The following ATP8A1 variants were observed in gnomAD, a reference collection of about 807,000 sequenced individuals.
The protein encoded by ATP8A1 is phospholipid-transporting ATPase IA.
ATP8A1 carries 90 observed loss-of-function variants against 177.7 expected under a neutral mutation model. That is an observed-to-expected ratio of 0.51 (90% CI 0.43 to 0.60). The LOEUF (loss-of-function observed/expected upper bound fraction) is 0.60. Ranked by LOEUF, ATP8A1 falls within the 20% of genes least tolerant of loss-of-function variation. The pLI, the probability that ATP8A1 is intolerant of heterozygous loss-of-function variation, is 0.00. For missense variants in ATP8A1, 1,072 were observed against 1,392.8 expected (o/e 0.77, Z 3.67); for synonymous variants, 493 against 485.9 (o/e 1.01, Z -0.19).
At chr4:42,413,435 A>G (rs1275885148) in intron 36 of ATP8A1, among the ~76,000 whole-genome samples, 1 of 152,180 alleles carries the variant, frequency 6.6e-6, no homozygotes, top group Non-Finnish European at 1.5e-5. Flanking sequence ...GAATAATGTA[A>G]TTGATTCAAC....
chr4:42,419,603 C>T (rs544565077), intron 35 of ATP8A1, among the ~76,000 whole-genome samples: 1 of 152,280 alleles, frequency 6.6e-6, no homozygotes, highest in African/African-American at 2.4e-5. Flanking sequence ...AATGCAAAGA[C>T]TGGAAGATAT....
chr4:42,655,398 T>C (rs1303358609), intron 1 of ATP8A1, among the ~76,000 whole-genome samples: 1 of 152,216 alleles, frequency 6.6e-6, no homozygotes, highest in African/African-American at 2.4e-5. Flanking sequence ...AGACTTTTTC[T>C]CTTCCCCTTA....
intron 1 of ATP8A1, among the ~76,000 whole-genome samples, chr4:42,636,119 TACACACACAC>T (rs544619447): frequency 8.7e-4 from 69 of 79,088 alleles, no homozygotes; most frequent in African/African-American, 3.3e-3. Context: ...ATGGGCTTAA[TACACACACAC>T]ACACACACAC....
intron 24 of ATP8A1, among the ~76,000 whole-genome samples, chr4:42,501,124 C>T (rs1177928645): frequency 6.6e-6 from 1 of 152,052 alleles, no homozygotes. Flanking sequence ...GAAAAATGCT[C>T]AATATGTATC....
At chr4:42,516,698 T>C (rs71610023) in intron 22 of ATP8A1, among the ~76,000 whole-genome samples, 15,516 of 152,284 alleles carry the variant, frequency 0.1, 993 homozygotes, top group Middle Eastern at 0.17. Flanking sequence ...GGTTTAATTA[T>C]AAAATAAGGA....
intron 1 of ATP8A1, among the ~76,000 whole-genome samples, chr4:42,648,757 A>T (rs187641836): frequency 6.6e-6 from 1 of 152,308 alleles, no homozygotes; most frequent in Admixed American, 6.5e-5. Flanking sequence ...TCGTTAACAT[A>T]TAAGTTCTTA....
At chr4:42,625,453 G>A in intron 3 of ATP8A1, 161 bp downstream of exon 3, 2 of 474,240 alleles carry the variant, frequency 4.2e-6, no homozygotes. Context: ...TCAAAAGGCT[G>A]GAAAAGGTAG....
At position 42,594,220 on chromosome 4, in the gene ATP8A1, A is replaced by T. The variant is rs1338471052; in HGVS notation, c.451-3336T>A. On this transcript the variant is annotated intron_variant, in intron 6 of 36. Transcript: ENST00000381668. The stretch of plus-strand genomic sequence containing the variant: ...CGTTTATTCCTTATTTCCTTGGAGA[A>T]ATCACAAGGTCAATGCAGGGTAGAG... The T allele has an allele frequency of 3.7e-6, 3 of 802,610 alleles. No individual in the cohort carries two copies. The African/African-American group carries it at 5.2e-5, about 14-fold the overall frequency. The allele number at this position is 802,610 out of a possible 1,614,324, so 49.7% of individuals were successfully genotyped here.
Position 42,578,405 on chromosome 4 carries a change from A to G in ATP8A1, c.1001-18T>C. The G allele has an allele frequency of 6.2e-7, 1 of 1,605,542 alleles. No individual in the cohort carries two copies. On this transcript the variant is annotated intron_variant, in intron 11 of 36. Coordinates refer to ENST00000381668, the MANE Select transcript of ATP8A1 (RefSeq NM_006095.2). ...GCCACCATCTGTTGGGAGAGGCAGG[A>G]AGAACGTCATTTACAGTTTTATATT... is the stretch of plus-strand genomic sequence containing the variant.
At chr4:42,532,093 C>A (rs1438714206) in intron 20 of ATP8A1, among the ~76,000 whole-genome samples, 3 of 151,986 alleles carry the variant, frequency 2.0e-5, no homozygotes, top group Non-Finnish European at 4.4e-5. Context: ...CAGAGTGAGA[C>A]CCTGCCTCAA....
At chr4:42,515,654 G>C (rs1056605119) in intron 22 of ATP8A1, among the ~76,000 whole-genome samples, 4 of 152,122 alleles carry the variant, frequency 2.6e-5, no homozygotes, top group Admixed American at 2.6e-4. Flanking sequence ...TCAGTGCCCA[G>C]GGCACTAAAG....
At chr4:42,589,568 G>A (rs1212604061) in intron 7 of ATP8A1, among the ~76,000 whole-genome samples, 3 of 152,032 alleles carry the variant, frequency 2.0e-5, no homozygotes, top group African/African-American at 7.2e-5. Flanking sequence ...TACCCTATGA[G>A]CTTTCTTTCG....
At chr4:42,631,139 G>C (rs1165636965) in intron 1 of ATP8A1, among the ~76,000 whole-genome samples, 1 of 152,138 alleles carries the variant, frequency 6.6e-6, no homozygotes, top group Admixed American at 6.5e-5. Flanking sequence ...AATGTTTTGG[G>C]GTGGTAATTC....
chr4:42,580,807 G>A (rs559703211), intron 10 of ATP8A1, among the ~76,000 whole-genome samples: 2 of 152,094 alleles, frequency 1.3e-5, no homozygotes, highest in Non-Finnish European at 2.9e-5. Flanking sequence ...ACACAGGGAC[G>A]GAGCAACTGT....
intron 15 of ATP8A1, among the ~76,000 whole-genome samples, chr4:42,566,429 G>A (rs945098109): frequency 4.6e-5 from 7 of 152,132 alleles, no homozygotes; most frequent in Admixed American, 2.0e-4. Flanking sequence ...CAGATGCCTG[G>A]AGCACAGGAT....
At chr4:42,623,399 G>A (rs1737697732) in intron 4 of ATP8A1, among the ~76,000 whole-genome samples, 1 of 152,106 alleles carries the variant, frequency 6.6e-6, no homozygotes, top group Non-Finnish European at 1.5e-5. Flanking sequence ...GCATATGTAT[G>A]TTCATTTCAG....
intron 14 of ATP8A1, among the ~76,000 whole-genome samples, chr4:42,574,100 A>G (rs181061555): frequency 6.6e-6 from 1 of 152,334 alleles, no homozygotes; most frequent in Admixed American, 6.5e-5. Flanking sequence ...ACAGCCTGAT[A>G]AAAGTTTCTG....
chr4:42,630,465 C>T (rs148604335), intron 1 of ATP8A1, among the ~76,000 whole-genome samples: 1 of 152,236 alleles, frequency 6.6e-6, no homozygotes, highest in African/African-American at 2.4e-5. Context: ...AGGCGAGTGC[C>T]GTTCTTGATC....
intron 12 of ATP8A1, among the ~76,000 whole-genome samples, chr4:42,577,546 A>G (rs1045568163): frequency 3.9e-5 from 6 of 152,174 alleles, no homozygotes; most frequent in Non-Finnish European, 8.8e-5. Flanking sequence ...TCTCAAAATA[A>G]AAGAAAAATT....
Sources: gnomAD v4.1 joint callset for allele counts (sites outside exome capture counted in the v4.1 genomes callset) on GRCh38, gnomAD v4.1.1 for gene constraint, MANE v1.5 for transcripts, NCBI Gene and HGNC (gene_info 2026-07-23, HGNC 2026-07-21) for gene names.